GLG1: variants seen among roughly 807,000 people sequenced by gnomAD.
GLG1 encodes the protein golgi glycoprotein 1, also known as Golgi apparatus protein 1.
In GLG1, 38 loss-of-function variants were observed where a neutral mutation model predicts 160.5. That is an observed-to-expected ratio of 0.24 (90% CI 0.18 to 0.31). The LOEUF is 0.31. Ranked by LOEUF, GLG1 falls within the 10% of genes least tolerant of loss-of-function variation. The pLI is 1.00. For synonymous variants in GLG1, 644 were observed against 543.4 expected, an observed-to-expected ratio of 1.19 and a Z score of -2.57; for missense variants, 1,373 against 1,505.2, an observed-to-expected ratio of 0.91 and a Z score of 1.45.
At chr16:74,568,447 T>C (rs1329025927) in intron 1 of GLG1, among the ~76,000 whole-genome samples, 1 of 151,244 alleles carries the variant, frequency 6.6e-6, no homozygotes, top group East Asian at 1.9e-4. Flanking sequence ...AGACGGACTC[T>C]TGCTCTTTCG....
At chr16:74,559,980 T>G (rs143936322) in intron 1 of GLG1, among the ~76,000 whole-genome samples, 2,835 of 152,364 alleles carry the variant, frequency 0.019, 34 homozygotes, top group Non-Finnish European at 0.027. Flanking sequence ...TTACTTTATA[T>G]AGTGCAATCT....
intron 2 of GLG1, among the ~76,000 whole-genome samples, chr16:74,529,819 T>TG (rs2017473299): frequency 7.2e-6 from 1 of 138,072 alleles, no homozygotes; most frequent in African/African-American, 2.7e-5. Flanking sequence ...GTTCTTTTTT[T>TG]TTTTTTTTTT....
At chr16:74,587,232 A>AT (rs1339629008) in intron 1 of GLG1, among the ~76,000 whole-genome samples, 1 of 152,194 alleles carries the variant, frequency 6.6e-6, no homozygotes, top group Non-Finnish European at 1.5e-5. Flanking sequence ...AGGTGAGCCG[A>AT]TGATTACCTA....
At chr16:74,501,715 G>A (rs577471835) in intron 4 of GLG1, among the ~76,000 whole-genome samples, 2 of 152,306 alleles carry the variant, frequency 1.3e-5, no homozygotes, top group Admixed American at 1.3e-4. Context: ...GAACCCTGTG[G>A]AGACTTTAAA....
In GLG1 at chr16:74,542,727, AAGGAAGGG is replaced by A. The variant is rs1567513885; in HGVS notation, c.439-10582_439-10575del. Among the ~76,000 whole-genome samples, 6 of 111,156 alleles carry A rather than the reference AAGGAAGGG, an allele frequency of 5.4e-5. 1 individual carries two copies. The highest frequency in any genetic ancestry group is 1.7e-4 in the African/African-American group (5 of 29,016). The allele number at this position is 111,156 out of a possible 152,430, so 72.9% of individuals were successfully genotyped here. ...GAGGAAGGGAAGAAGGGAAGGAAGG[AAGGAAGGG>A]AGGAAGGAAGGAAGGAAGGAAGGAA... On this transcript the variant is annotated intron_variant, in intron 1 of 25. Transcript: ENST00000422840.
intron 2 of GLG1, among the ~76,000 whole-genome samples, chr16:74,514,404 C>T (rs1026297210): frequency 3.9e-5 from 6 of 152,192 alleles, no homozygotes; most frequent in African/African-American, 1.2e-4. Flanking sequence ...GGTCGGGTTA[C>T]CCACAAAGGG....
intron 18 of GLG1, among the ~76,000 whole-genome samples, chr16:74,466,184 G>A (rs940472379): frequency 6.6e-6 from 1 of 152,158 alleles, no homozygotes. Context: ...AAACCAGGAG[G>A]TTCAATTCAA....
intron 1 of GLG1, among the ~76,000 whole-genome samples, chr16:74,551,470 A>T (rs866956538): frequency 4.7e-4 from 60 of 128,272 alleles, no homozygotes; most frequent in East Asian, 1.4e-3. Context: ...ATGTCTGGCT[A>T]TTTTTTTTTT....
At chr16:74,480,653 G>T (rs934695848) in intron 10 of GLG1, among the ~76,000 whole-genome samples, 12 of 151,862 alleles carry the variant, frequency 7.9e-5, no homozygotes, top group Non-Finnish European at 1.5e-4. Flanking sequence ...GTCCCCCGGG[G>T]CTTGAAGGCA....
intron 2 of GLG1, among the ~76,000 whole-genome samples, chr16:74,527,765 C>T (rs548009748): frequency 1.8e-4 from 27 of 152,006 alleles, no homozygotes; most frequent in Non-Finnish European, 3.1e-4. Flanking sequence ...CTTGCTCTGT[C>T]GGCCAGGGGT....
intron 4 of GLG1, among the ~76,000 whole-genome samples, chr16:74,498,987 T>C (rs546499652): frequency 1.3e-5 from 2 of 152,144 alleles, no homozygotes; most frequent in East Asian, 1.9e-4. Context: ...GATTTGTCTA[T>C]AGCACCTTAA....
Position 74,456,810 on chromosome 16 carries a change from T to C in GLG1, c.3266-55A>G. ...CCTGAAACTGTACAGAATAGAGAAA[T>C]TTCTGTAAAGATGAGGAAGAGGGTG... On this transcript the variant is annotated intron_variant, in intron 24 of 25. Coordinates refer to ENST00000422840, the MANE Select transcript of GLG1 (RefSeq NM_001145667.2). The C allele has an allele frequency of 2.7e-6, 3 of 1,102,388 alleles. No homozygotes were observed. In the South Asian group the frequency reaches 3.8e-5, roughly 14 times the overall value. 68.3% of individuals were successfully genotyped at this position (1,102,388 alleles called of 1,614,324 possible). A position where few individuals can be genotyped will look rare whatever the true frequency, so the allele number is the denominator to read the frequency against.
At chr16:74,568,028 T>G (rs965285990) in intron 1 of GLG1, among the ~76,000 whole-genome samples, 2 of 152,160 alleles carry the variant, frequency 1.3e-5, no homozygotes, top group African/African-American at 4.8e-5. Flanking sequence ...CACATAACAT[T>G]CCTAACTGGT....
At chr16:74,583,845 G>T (rs1436382703) in intron 1 of GLG1, among the ~76,000 whole-genome samples, 1 of 152,090 alleles carries the variant, frequency 6.6e-6, no homozygotes, top group Non-Finnish European at 1.5e-5. Context: ...CTTTTAGAAG[G>T]GGGAGCTGAG....
intron 4 of GLG1, among the ~76,000 whole-genome samples, chr16:74,503,079 T>C (rs1428427812): frequency 6.6e-6 from 1 of 151,778 alleles, no homozygotes; most frequent in East Asian, 2.0e-4. Flanking sequence ...TGGTGGTGCA[T>C]GCCTGTAGTT....
At chr16:74,598,681 TC>T (rs1246293467) in intron 1 of GLG1, among the ~76,000 whole-genome samples, 1 of 151,522 alleles carries the variant, frequency 6.6e-6, no homozygotes, top group African/African-American at 2.4e-5. Flanking sequence ...TTGCCTGAGG[TC>T]AGGAGTTTGA....
At chr16:74,547,205 A>T (rs1052807780) in intron 1 of GLG1, among the ~76,000 whole-genome samples, 1 of 151,176 alleles carries the variant, frequency 6.6e-6, no homozygotes, top group African/African-American at 2.4e-5. Flanking sequence ...AACAATTTCT[A>T]TAAATGTAAA....
At chr16:74,526,779 T>C (rs1260149985) in intron 2 of GLG1, among the ~76,000 whole-genome samples, 1 of 152,148 alleles carries the variant, frequency 6.6e-6, no homozygotes, top group Non-Finnish European at 1.5e-5. Context: ...AGAAATACTG[T>C]ATGTGCAAGA....
rs1394716916 is a variant in GLG1 at position 74,606,764 on chromosome 16, T to TCCAGCCCCCA, written c.321_330dup (p.Lys111TrpfsTer21). The TCCAGCCCCCA allele has an allele frequency of 6.2e-7, 1 of 1,612,210 alleles. No homozygotes were observed. Among genetic ancestry groups the TCCAGCCCCCA allele is most frequent in the Non-Finnish European group, 8.5e-7 (1 of 1,179,332 alleles). ...CTGCAGGACTCTTCCTCCGCCAGCT[T>TCCAGCCCCCA]CCAGCCCCCACCAGCCCCCGCTCCT... On this transcript the variant is annotated frameshift_variant, in exon 1 of 26. Transcript: ENST00000422840. LOFTEE classifies it high-confidence loss of function.
Sources: allele counts gnomAD v4.1 joint callset (sites outside exome capture counted in the v4.1 genomes callset), GRCh38; gene constraint gnomAD v4.1.1; transcripts MANE v1.5; gene names NCBI Gene and HGNC (gene_info 2026-07-23, HGNC 2026-07-21).